Variants in DPY19L1 observed in about 807,000 individuals in gnomAD.
DPY19L1 encodes dpy-19 like C-mannosyltransferase 1.
A neutral mutation model predicts 96.9 loss-of-function variants in DPY19L1; 35 were observed. The ratio of observed to expected loss-of-function variants is 0.36; its 90% confidence interval spans 0.28 to 0.48. DPY19L1 has a LOEUF of 0.48. Ranked by LOEUF, DPY19L1 falls within the 20% of genes least tolerant of loss-of-function variation. The probability of loss-of-function intolerance (pLI) is 0.99; values close to 1 mark genes in which losing one functional copy is unlikely to be tolerated. For missense variants in DPY19L1, 521 were observed against 777.9 expected (o/e 0.67, Z 3.93); for synonymous variants, 205 against 252.6 (o/e 0.81, Z 1.79).
chr7:34,983,604 C>T (rs1231816968), intron 7 of DPY19L1, among the ~76,000 whole-genome samples: 1 of 150,738 alleles, frequency 6.6e-6, no homozygotes, highest in Non-Finnish European at 1.5e-5. Context: ...TAGCAGACTG[C>T]ATGCATCAGA....
Position 34,980,933 on chromosome 7 carries a change from G to A in DPY19L1, c.823-7328C>T, listed in dbSNP as rs76501155. Among the ~76,000 whole-genome samples the A allele has an allele frequency of 5.8e-3, 886 of 152,274 alleles. 10 individuals are homozygous for A. The highest frequency in any genetic ancestry group is 0.02 in the African/African-American group (825 of 41,550). On this transcript the variant is annotated intron_variant, in intron 7 of 21. Transcript: ENST00000638088. ...AGAGAAAGACTTCAGGCATAAGAAAGTATGATTCCACTCACATGAAGCCCC... is the reference window on the plus strand; with the variant it reads ...AGAGAAAGACTTCAGGCATAAGAAAATATGATTCCACTCACATGAAGCCCC...
intron 21 of DPY19L1, among the ~76,000 whole-genome samples, chr7:34,936,144 G>A (rs547175184): frequency 2.0e-5 from 3 of 152,356 alleles, no homozygotes; most frequent in Admixed American, 1.3e-4. Flanking sequence ...CTGATTGCTC[G>A]TAAGTGACTT....
chr7:34,980,219 G>A (rs1482502143), intron 7 of DPY19L1, among the ~76,000 whole-genome samples: 1 of 152,076 alleles, frequency 6.6e-6, no homozygotes, highest in Non-Finnish European at 1.5e-5. Flanking sequence ...GGTAGGGGAG[G>A]AAGGAATCTG....
intron 13 of DPY19L1, among the ~76,000 whole-genome samples, chr7:34,953,139 T>G (rs1036709920): frequency 5.3e-5 from 8 of 152,182 alleles, no homozygotes; most frequent in African/African-American, 1.9e-4. Context: ...AGTAGAGAAC[T>G]CAGTAGGAAA....
chr7:35,006,610 C>T (rs916089973), intron 6 of DPY19L1, among the ~76,000 whole-genome samples: 15 of 151,958 alleles, frequency 9.9e-5, no homozygotes, highest in African/African-American at 3.6e-4. Context: ...TAAATCAATA[C>T]AGCTTCAAAA....
chr7:34,958,405 C>T (rs1421596824), intron 10 of DPY19L1, among the ~76,000 whole-genome samples: 1 of 152,212 alleles, frequency 6.6e-6, no homozygotes, highest in East Asian at 1.9e-4. Context: ...CAATCTAATA[C>T]ATTCTGCTTA....
At chr7:34,976,072 T>TA (rs1784824503) in intron 7 of DPY19L1, among the ~76,000 whole-genome samples, 1 of 152,208 alleles carries the variant, frequency 6.6e-6, no homozygotes. Context: ...TTTCAGGTCT[T>TA]ATTATTTAAG....
intron 1 of DPY19L1, among the ~76,000 whole-genome samples, chr7:35,027,307 G>A (rs1319553989): frequency 2.6e-5 from 4 of 152,140 alleles, no homozygotes; most frequent in African/African-American, 9.7e-5. Context: ...TCACTAACAC[G>A]CTGGGCTTTG....
At chr7:34,947,515 C>G in intron 15 of DPY19L1, 115 bp downstream of exon 15, 1 of 748,088 alleles carries the variant, frequency 1.3e-6, no homozygotes, top group East Asian at 2.9e-5. Flanking sequence ...GAATATGTTA[C>G]AGTAAGCCCA....
At chr7:34,943,154 G>A (rs1302409678) in intron 16 of DPY19L1, among the ~76,000 whole-genome samples, 3 of 152,152 alleles carry the variant, frequency 2.0e-5, no homozygotes, top group Non-Finnish European at 4.4e-5. Context: ...TTTAATGAAT[G>A]AACAAGTGTA....
At chr7:35,007,320 T>C (rs1785584155) in intron 6 of DPY19L1, among the ~76,000 whole-genome samples, 1 of 151,758 alleles carries the variant, frequency 6.6e-6, no homozygotes, top group Non-Finnish European at 1.5e-5. Context: ...GCTGGAAAAA[T>C]GAAAACATGT....
chr7:35,032,718 C>T lies in DPY19L1; in HGVS notation c.298+4379G>A, dbSNP rs185005152. 5.6e-3 allele frequency among the ~76,000 whole-genome samples: 845 copies of T among 152,178 alleles called. 4 individuals carry two copies. Among genetic ancestry groups the T allele is most frequent in the Non-Finnish European group, 9.2e-3 (626 of 68,002 alleles). The stretch of plus-strand genomic sequence containing the variant: ...TGACCTTTTCCTTCAAACCCATTCC[C>T]TCATCCATACCCCTAGTCTTCACTA... On this transcript the variant is annotated intron_variant, in intron 1 of 21. Coordinates refer to ENST00000638088, the MANE Select transcript of DPY19L1 (RefSeq NM_001366673.1).
At chr7:34,934,165 G>A (rs771074301) in intron 21 of DPY19L1, among the ~76,000 whole-genome samples, 3 of 151,888 alleles carry the variant, frequency 2.0e-5, no homozygotes, top group Admixed American at 6.6e-5. Context: ...AGGTTTCACC[G>A]TGTTAGCCAA....
chr7:34,988,530 T>C (rs933390383), intron 7 of DPY19L1, among the ~76,000 whole-genome samples: 1 of 152,130 alleles, frequency 6.6e-6, no homozygotes, highest in East Asian at 1.9e-4. Context: ...TTCTAAATAC[T>C]AAGAACATAT....
intron 5 of DPY19L1, 114 bp downstream of exon 5, chr7:35,011,216 C>T: frequency 3.3e-6 from 4 of 1,229,556 alleles, no homozygotes; most frequent in Non-Finnish European, 4.6e-6. Context: ...TCTATATATG[C>T]ATAATAAAAT....
intron 6 of DPY19L1, among the ~76,000 whole-genome samples, chr7:34,996,891 C>A (rs1323232331): frequency 6.6e-6 from 1 of 152,176 alleles, no homozygotes; most frequent in African/African-American, 2.4e-5. Context: ...GTGTGCAGAG[C>A]AGCCTGGGAG....
chr7:34,942,989 A>G (rs575046973), intron 16 of DPY19L1, among the ~76,000 whole-genome samples: 1 of 152,336 alleles, frequency 6.6e-6, no homozygotes, highest in East Asian at 1.9e-4. Flanking sequence ...AAGTAGAGAT[A>G]ACAAATACGT....
In DPY19L1 at chr7:34,931,414, T is replaced by G; in HGVS notation, c.*159A>C. 9.4e-7 allele frequency: 1 copy of G among 1,062,246 alleles called. No individual in the cohort carries two copies. The highest frequency in any genetic ancestry group is 1.3e-6 in the Non-Finnish European group (1 of 793,040). 65.8% of individuals were successfully genotyped at this position (1,062,246 alleles called of 1,614,324 possible). On this transcript the variant is annotated 3_prime_UTR_variant, in exon 22 of 22. Transcript: ENST00000638088. ...ACCAATTGATAAAGGTGTAAGTCAT[T>G]TTTATAATTAGAATGACATTCAAAT... is the stretch of plus-strand genomic sequence containing the variant.
intron 17 of DPY19L1, 95 bp from the exon 18 acceptor site, chr7:34,941,979 G>GT (rs35242437): frequency 0.17 from 218,616 of 1,282,190 alleles, 21,180 homozygotes; most frequent in Admixed American, 0.4. Context: ...GTTCTCCTTA[G>GT]TAACAAAAAA....
Sources: gnomAD v4.1 joint callset for allele counts (sites outside exome capture counted in the v4.1 genomes callset) on GRCh38, gnomAD v4.1.1 for gene constraint, MANE v1.5 for transcripts, NCBI Gene and HGNC (gene_info 2026-07-23, HGNC 2026-07-21) for gene names.